CELF4: variants seen among roughly 807,000 people sequenced by gnomAD.
CELF4 encodes the protein CUG-BP- and ETR-3-like factor 4.
CELF4 carries 18 observed loss-of-function variants against 59.9 expected under a neutral mutation model. The ratio of observed to expected loss-of-function variants is 0.30; its 90% CI spans 0.21 to 0.45. The LOEUF (loss-of-function observed/expected upper bound fraction) is 0.45. Ranked by LOEUF, CELF4 falls within the 20% of genes least tolerant of loss-of-function variation. The probability of loss-of-function intolerance (pLI) is 1.00; values close to 1 mark genes in which losing one functional copy is unlikely to be tolerated. For missense variants in CELF4, 456 were observed against 689.0 expected, an observed-to-expected ratio of 0.66 and a Z score of 3.79; for synonymous variants, 261 against 267.1, an observed-to-expected ratio of 0.98 and a Z score of 0.22.
At chr18:37,425,755 A>C (rs939937803) in intron 2 of CELF4, among the ~76,000 whole-genome samples, 6 of 152,230 alleles carry the variant, frequency 3.9e-5, no homozygotes, top group Admixed American at 2.0e-4. Flanking sequence ...ATCTGCAGAA[A>C]CTACAGCTGC....
At chr18:37,323,630 C>T (rs763746579) in intron 2 of CELF4, among the ~76,000 whole-genome samples, 80 of 152,036 alleles carry the variant, frequency 5.3e-4, no homozygotes, top group Non-Finnish European at 8.8e-4. Flanking sequence ...TGGAATGCCC[C>T]GCCCTCCTAG....
intron 1 of CELF4, among the ~76,000 whole-genome samples, chr18:37,517,628 G>A (rs1215484558): frequency 6.6e-6 from 1 of 152,190 alleles, no homozygotes; most frequent in Non-Finnish European, 1.5e-5. Flanking sequence ...TGTCTCCAGG[G>A]CATGGCTCAT....
intron 2 of CELF4, among the ~76,000 whole-genome samples, chr18:37,480,142 C>T (rs1366984185): frequency 6.6e-6 from 1 of 152,194 alleles, no homozygotes; most frequent in African/African-American, 2.4e-5. Context: ...TTTGTTGCAG[C>T]AGTCCCATGC....
chr18:37,485,381 T>C (rs757408427), intron 2 of CELF4, 144 bp downstream of exon 2: 680 of 210,796 alleles, frequency 3.2e-3, no homozygotes, highest in Non-Finnish European at 4.4e-3. Flanking sequence ...CCCAGGGATT[T>C]GGGGGGGCGC....
intron 1 of CELF4, among the ~76,000 whole-genome samples, chr18:37,555,507 C>A (rs2099984520): frequency 6.6e-6 from 1 of 152,188 alleles, no homozygotes; most frequent in Admixed American, 6.5e-5. Context: ...AGATCTTCGC[C>A]TAGCTGTATA....
At chr18:37,357,457 G>C (rs931223921) in intron 2 of CELF4, among the ~76,000 whole-genome samples, 5 of 152,350 alleles carry the variant, frequency 3.3e-5, no homozygotes, top group African/African-American at 1.2e-4. Flanking sequence ...GTATGGAAAC[G>C]CGTGGATGCC....
intron 2 of CELF4, among the ~76,000 whole-genome samples, chr18:37,410,333 T>G (rs2099430135): frequency 1.3e-5 from 2 of 152,110 alleles, no homozygotes; most frequent in Admixed American, 1.3e-4. Flanking sequence ...CTGAATTATT[T>G]GAGAGATGAG....
intron 2 of CELF4, among the ~76,000 whole-genome samples, chr18:37,407,471 G>T (rs912463210): frequency 1.3e-5 from 2 of 152,064 alleles, no homozygotes; most frequent in Non-Finnish European, 2.9e-5. Context: ...ATGAATCACA[G>T]TGTAACACAA....
intron 1 of CELF4, among the ~76,000 whole-genome samples, chr18:37,537,936 A>C (rs1316976257): frequency 6.6e-6 from 1 of 152,172 alleles, no homozygotes; most frequent in African/African-American, 2.4e-5. Context: ...GGCTCACCCC[A>C]CGGGGCTGTG....
chr18:37,377,543 C>T lies in CELF4; in HGVS notation c.370-55662G>A, dbSNP rs937185614. Reference sequence around the variant, plus strand: ...GCTGGGCTAGTGCCAGCTGAGGGGTCGTTCCTGAGGCTTAGAAATGAGAGG... The same window carrying T: ...GCTGGGCTAGTGCCAGCTGAGGGGTTGTTCCTGAGGCTTAGAAATGAGAGG... On this transcript the variant is annotated intron_variant, in intron 2 of 12. Transcript: ENST00000420428. Among the ~76,000 whole-genome samples the T allele has an allele frequency of 1.2e-4, 19 of 152,244 alleles. No homozygotes were observed. The South Asian group carries it at 3.9e-3, about 32-fold the overall frequency.
intron 1 of CELF4, among the ~76,000 whole-genome samples, chr18:37,488,370 TCAGTGTC>T (rs1385506108): frequency 1.3e-5 from 2 of 152,342 alleles, no homozygotes; most frequent in Non-Finnish European, 1.5e-5. Context: ...TGCTTGGTTC[TCAGTGTC>T]CAGCATATAA....
chr18:37,391,176 G>A (rs1439338196), intron 2 of CELF4, among the ~76,000 whole-genome samples: 2 of 152,122 alleles, frequency 1.3e-5, no homozygotes, highest in African/African-American at 2.4e-5. Context: ...TAAGAAGCAG[G>A]CAGGGAGAGA....
intron 2 of CELF4, among the ~76,000 whole-genome samples, chr18:37,383,600 T>G (rs2099066689): frequency 6.6e-6 from 1 of 152,194 alleles, no homozygotes; most frequent in Non-Finnish European, 1.5e-5. Context: ...CCCCAGGAAT[T>G]TTTCCTCCCA....
At chr18:37,358,309 T>C (rs1237982200) in intron 2 of CELF4, among the ~76,000 whole-genome samples, 1 of 152,226 alleles carries the variant, frequency 6.6e-6, no homozygotes, top group Non-Finnish European at 1.5e-5. Flanking sequence ...GGAGTTTTTC[T>C]GCACAGCTCT....
At chr18:37,467,794 A>C (rs2060884871) in intron 2 of CELF4, among the ~76,000 whole-genome samples, 1 of 152,146 alleles carries the variant, frequency 6.6e-6, no homozygotes, top group South Asian at 2.1e-4. Flanking sequence ...GTCCCTAAAG[A>C]GCTACATTCT....
rs989674643 is a variant in CELF4, at chr18:37,318,640, C to A, written c.448+3163G>T. Among the ~76,000 whole-genome samples the A allele has an allele frequency of 1.1e-4, 16 of 150,350 alleles. No individual in the cohort carries two copies. The East Asian group carries it at 1.8e-3, about 17-fold the overall frequency. Reference sequence around the variant, plus strand: ...GGCTTTCCCTACACCTCCCCCCCCCCCCACTTTCTACTGCAAGAAGAATAA... The same window carrying A: ...GGCTTTCCCTACACCTCCCCCCCCCACCACTTTCTACTGCAAGAAGAATAA... On this transcript the variant is annotated intron_variant, in intron 3 of 12. Transcript: ENST00000420428.
intron 1 of CELF4, 40 bp from the exon 2 acceptor site, chr18:37,485,647 G>GC: frequency 7.7e-7 from 1 of 1,299,898 alleles, no homozygotes; most frequent in South Asian, 2.1e-5. Flanking sequence ...TCAGTGGGGC[G>GC]CCCCCGGGCC....
intron 3 of CELF4, among the ~76,000 whole-genome samples, chr18:37,286,503 G>A (rs1209290575): frequency 2.6e-5 from 4 of 152,168 alleles, no homozygotes; most frequent in Non-Finnish European, 4.4e-5. Flanking sequence ...TCCCGCCATC[G>A]CCAGAGACAC....
intron 2 of CELF4, among the ~76,000 whole-genome samples, chr18:37,346,064 T>C (rs1309763931): frequency 6.6e-6 from 1 of 152,222 alleles, no homozygotes; most frequent in Non-Finnish European, 1.5e-5. Flanking sequence ...GTGCTGTGCC[T>C]GTCCTGCTGG....
Sources: gnomAD v4.1 joint callset for allele counts (sites outside exome capture counted in the v4.1 genomes callset) on GRCh38, gnomAD v4.1.1 for gene constraint, MANE v1.5 for transcripts, NCBI Gene and HGNC (gene_info 2026-07-23, HGNC 2026-07-21) for gene names.